SUPT6H: variants seen among roughly 807,000 people sequenced by gnomAD.
SUPT6H encodes the protein transcription elongation factor SPT6.
A neutral mutation model predicts 222.3 loss-of-function variants in SUPT6H; 11 were observed. The ratio of observed to expected loss-of-function variants is 0.05; its 90% CI spans 0.03 to 0.08. The LOEUF (loss-of-function observed/expected upper bound fraction) is 0.08, where lower values mean the gene tolerates loss of function less well. Ranked by LOEUF, SUPT6H falls within the 10% of genes least tolerant of loss-of-function variation. The pLI, the probability that SUPT6H is intolerant of heterozygous loss-of-function variation, is 1.00. For synonymous variants in SUPT6H, 762 were observed against 801.2 expected (o/e 0.95, Z 0.83); for missense variants, 1,422 against 2,216.0 (o/e 0.64, Z 7.19).
At chr17:28,665,832 C>T (rs1380639755) in intron 1 of SUPT6H, among the ~76,000 whole-genome samples, 2 of 152,180 alleles carry the variant, frequency 1.3e-5, no homozygotes, top group Admixed American at 6.6e-5. Context: ...GAGATTATGG[C>T]TTGAGCCCAG....
chr17:28,698,350 C>G (rs1490768913), intron 32 of SUPT6H, among the ~76,000 whole-genome samples: 1 of 152,250 alleles, frequency 6.6e-6, no homozygotes, highest in African/African-American at 2.4e-5. Context: ...GTACACTGGT[C>G]TCTCCTGTCC....
At chr17:28,664,557 T>C (rs2029906916) in intron 1 of SUPT6H, among the ~76,000 whole-genome samples, 1 of 152,212 alleles carries the variant, frequency 6.6e-6, no homozygotes, top group South Asian at 2.1e-4. Flanking sequence ...TCCCGAGCCT[T>C]CTACATGCTT....
intron 18 of SUPT6H, 23 bp downstream of exon 18, chr17:28,684,748 C>T (rs1474608841): frequency 6.2e-7 from 1 of 1,613,726 alleles, no homozygotes; most frequent in Non-Finnish European, 8.5e-7. Flanking sequence ...TTTTGCCTCC[C>T]CAGCACCATC....
chr17:28,693,470 G>A (rs1443119770), intron 27 of SUPT6H, among the ~76,000 whole-genome samples: 1 of 152,082 alleles, frequency 6.6e-6, no homozygotes, highest in Non-Finnish European at 1.5e-5. Context: ...TCAAAAAAAA[G>A]AAAAAGATTC....
intron 5 of SUPT6H, 90 bp downstream of exon 5, chr17:28,675,252 A>G (rs1199121850): frequency 6.7e-7 from 1 of 1,495,966 alleles, no homozygotes; most frequent in Non-Finnish European, 9.1e-7. Context: ...TTCTTTAGCT[A>G]CATCCCCCAG....
chr17:28,690,646 C>T (rs1317281787), intron 26 of SUPT6H, among the ~76,000 whole-genome samples: 17 of 152,120 alleles, frequency 1.1e-4, no homozygotes, highest in Admixed American at 1.0e-3. Context: ...TGGTGGTGGG[C>T]ACCTGTAATC....
intron 15 of SUPT6H, 65 bp from the exon 16 acceptor site, chr17:28,683,203 G>C (rs562656813): frequency 2.5e-6 from 4 of 1,584,134 alleles, no homozygotes; most frequent in Non-Finnish European, 3.4e-6. Context: ...CAGAAAGGCT[G>C]TCTTTTCTCC....
At chr17:28,675,637 T>A in intron 6 of SUPT6H, 152 bp downstream of exon 6, 1 of 752,010 alleles carries the variant, frequency 1.3e-6, no homozygotes, top group Non-Finnish European at 2.2e-6. Context: ...GGCAGTGATT[T>A]CAGACTGCTC....
Position 28,697,023 on chromosome 17 carries a change from C to T in SUPT6H, c.4150C>T (p.Arg1384Trp). The part of the protein sequence containing the change: ...SDGIYQHVDV[R>W]EEGKENAFSL... ...TGGCATCTACCAGCATGTGGATGTG[C>T]GGGAGGAGGGCAAGGAAAATGCCTT... The change falls in exon 30 of 37, where the codon CGG becomes TGG. Residue 1384 changes from arginine to tryptophan, a missense_variant. Around this residue, in one of 13 missense-constraint regions of SUPT6H, gnomAD observed 395 missense variants for 580.6 expected, o/e 0.68. Coordinates refer to ENST00000314616, the MANE Select transcript of SUPT6H (RefSeq NM_003170.5). 1.2e-6 allele frequency: 2 copies of T among 1,614,000 alleles called. No homozygotes were observed. The highest frequency in any genetic ancestry group is 1.1e-5 in the South Asian group (1 of 91,072).
rs1024196242 is a variant in SUPT6H at position 28,676,497 on chromosome 17, G to A, written c.897+67G>A. On this transcript the variant is annotated intron_variant, in intron 7 of 36. Coordinates refer to ENST00000314616, the MANE Select transcript of SUPT6H (RefSeq NM_003170.5). ...TACCTTGTAGCCAAGAAATATTCTA[G>A]CAAAAGTCTGGCATTGAGTATCCAG... The A allele has an allele frequency of 6.2e-6, 10 of 1,601,070 alleles. No homozygotes were observed. The African/African-American group carries it at 1.3e-4, about 21-fold the overall frequency.
At chr17:28,679,383 AAG>A (rs1567691765) in intron 11 of SUPT6H, among the ~76,000 whole-genome samples, 2 of 152,122 alleles carry the variant, frequency 1.3e-5, no homozygotes, top group African/African-American at 4.8e-5. Context: ...AAAAAAAAAA[AAG>A]AATTATAGCT....
At chr17:28,677,614 T>C (rs887724292) in intron 7 of SUPT6H, 101 bp from the exon 8 acceptor site, 2 of 800,084 alleles carry the variant, frequency 2.5e-6, no homozygotes, top group African/African-American at 3.4e-5. Context: ...ATACTGGAAA[T>C]GTGCACTTGA....
intron 1 of SUPT6H, among the ~76,000 whole-genome samples, chr17:28,667,435 A>ATATATATATATATATG (rs1491494572): frequency 6.2e-5 from 8 of 128,772 alleles, no homozygotes; most frequent in African/African-American, 2.3e-4. Context: ...ATATATATAT[A>ATATATATATATATATG]TGTATGTGTG....
At chr17:28,663,049 A>G (rs1010803042) in intron 1 of SUPT6H, among the ~76,000 whole-genome samples, 1 of 152,216 alleles carries the variant, frequency 6.6e-6, no homozygotes, top group Non-Finnish European at 1.5e-5. Flanking sequence ...ACTGATACTT[A>G]TTTCAGAGGG....
chr17:28,671,815 A>G (rs908244694), intron 1 of SUPT6H, among the ~76,000 whole-genome samples: 6 of 152,246 alleles, frequency 3.9e-5, no homozygotes, highest in African/African-American at 1.4e-4. Flanking sequence ...ATTCTCAACT[A>G]TCCTGTAAGG....
At chr17:28,682,575 C>G in intron 13 of SUPT6H, 152 bp from the exon 14 acceptor site, 1 of 1,113,712 alleles carries the variant, frequency 9.0e-7, no homozygotes, top group Non-Finnish European at 1.3e-6. Context: ...GAGCCATGAT[C>G]ACACCACTGC....
At chr17:28,677,403 G>A (rs1321636968) in intron 7 of SUPT6H, among the ~76,000 whole-genome samples, 1 of 151,700 alleles carries the variant, frequency 6.6e-6, no homozygotes. Context: ...AAATCAGCTG[G>A]GCGTGGTGGC....
At position 28,681,887 on chromosome 17, in the gene SUPT6H, G is replaced by T. The variant is rs1303571138; in HGVS notation, c.1504G>T (p.Gly502Cys). ...TCCCCATGTTTTCTTCCCAGGTGAAGGTGACGAGGCAGAAGATGAGGAGCA... is the reference window on the plus strand; with the variant it reads ...TCCCCATGTTTTCTTCCCAGGTGAATGTGACGAGGCAGAAGATGAGGAGCA... The part of the protein sequence containing the change: ...VREEGDEEGE[G>C]DEAEDEEQRG... The change falls in exon 13 of 37, where the codon GGT becomes TGT. Residue 502 changes from glycine to cysteine, a missense_variant. Transcript: ENST00000314616. 1 of 1,608,162 alleles carries T rather than the reference G, an allele frequency of 6.2e-7. No homozygotes were observed. The highest frequency in any genetic ancestry group is 2.2e-5 in the East Asian group (1 of 44,706).
At chr17:28,687,558 G>A (rs549029017) in intron 23 of SUPT6H, 87 bp downstream of exon 23, 13 of 1,426,512 alleles carry the variant, frequency 9.1e-6, no homozygotes, top group Non-Finnish European at 1.2e-5. Context: ...TTGACAGATT[G>A]GGAGGACCAA....
Sources: allele counts gnomAD v4.1 joint callset (sites outside exome capture counted in the v4.1 genomes callset), GRCh38; gene constraint gnomAD v4.1.1; regional missense constraint gnomAD v4.1.1; transcripts MANE v1.5; gene names NCBI Gene and HGNC (gene_info 2026-07-23, HGNC 2026-07-21).